SLC38A9: variants seen among roughly 807,000 people sequenced by gnomAD.
SLC38A9 encodes the protein neutral amino acid transporter 9.
Under a neutral mutation model 62.3 loss-of-function variants are expected in SLC38A9, and 48 were observed. The observed-to-expected ratio is 0.77, with a 90% CI of 0.61 to 0.98. The LOEUF is 0.98. Ranked by LOEUF, SLC38A9 falls within the 50% of genes least tolerant of loss-of-function variation. The probability of loss-of-function intolerance (pLI) is 0.00; values close to 1 mark genes in which losing one functional copy is unlikely to be tolerated. For synonymous variants in SLC38A9, 204 were observed against 227.7 expected (o/e 0.90, Z 0.94); for missense variants, 541 against 679.8 (o/e 0.80, Z 2.27).
intron 14 of SLC38A9, among the ~76,000 whole-genome samples, chr5:55,629,335 A>T (rs1309787405): frequency 2.0e-5 from 3 of 152,132 alleles, no homozygotes; most frequent in Non-Finnish European, 2.9e-5. Context: ...AATAGCTGGG[A>T]CTACAGGTGT....
At position 55,657,273 on chromosome 5, in the gene SLC38A9, C is replaced by G. The variant is rs4865613; in HGVS notation, c.698-499G>C. 7.9e-3 allele frequency among the ~76,000 whole-genome samples: 1,196 copies of G among 152,226 alleles called. 73 individuals are homozygous for G. The highest frequency in any genetic ancestry group is 0.074 in the Admixed American group (1,125 of 15,294). On this transcript the variant is annotated intron_variant, in intron 8 of 15. Transcript: ENST00000396865. Reference sequence around the variant, plus strand: ...TGATAATGTTAGTGTCTTCACAGTTCCACTGTGGAAAATCTTTACGTGTAA... The same window carrying G: ...TGATAATGTTAGTGTCTTCACAGTTGCACTGTGGAAAATCTTTACGTGTAA...
At chr5:55,650,797 AT>A (rs549105816) in intron 10 of SLC38A9, among the ~76,000 whole-genome samples, 181 of 152,054 alleles carry the variant, frequency 1.2e-3, no homozygotes, top group African/African-American at 4.1e-3. Context: ...TTATTTATTT[AT>A]TTATTTGTTG....
rs1751512362 is a variant in SLC38A9 at position 55,672,685 on chromosome 5, T to C, written c.124A>G (p.Ile42Val). Residue 42 changes from isoleucine (I) to valine (V), a missense_variant, in exon 4 of 16, where the codon ATA becomes GTA. Transcript: ENST00000396865. ...SDLRSKRPFC[I>V]EPTNIVNVNH... ...ACATTCACGATGTTTGTGGGCTCTA[T>C]ACAGAAAGGCCTACAAAGGGAATAT... 6.2e-7 allele frequency: 1 copy of C among 1,613,532 alleles called. No homozygotes were observed. Among genetic ancestry groups the C allele is most frequent in the Non-Finnish European group, 8.5e-7 (1 of 1,179,982 alleles).
chr5:55,697,300 T>C (rs1756017696), intron 3 of SLC38A9: 1 of 152,870 alleles, frequency 6.5e-6, no homozygotes, highest in Non-Finnish European at 1.5e-5. Context: ...TTTCTATGTA[T>C]TTTATTTTTT....
chr5:55,677,320 T>C (rs937227344), intron 3 of SLC38A9, among the ~76,000 whole-genome samples: 3 of 152,204 alleles, frequency 2.0e-5, no homozygotes, highest in Non-Finnish European at 1.5e-5. Context: ...TAAACAGTTA[T>C]GATTCTAACG....
chr5:55,651,859 C>T (rs1046936700), intron 10 of SLC38A9, among the ~76,000 whole-genome samples: 3 of 151,996 alleles, frequency 2.0e-5, no homozygotes, highest in Non-Finnish European at 2.9e-5. Context: ...TTGGATCTCT[C>T]CTCCTGAAAT....
At chr5:55,676,487 T>C (rs1752101094) in intron 3 of SLC38A9, among the ~76,000 whole-genome samples, 2 of 152,236 alleles carry the variant, frequency 1.3e-5, no homozygotes, top group South Asian at 2.1e-4. Context: ...TATAAATTTC[T>C]TAAATTGTAC....
intron 8 of SLC38A9, among the ~76,000 whole-genome samples, chr5:55,663,321 AAGG>A (rs1749935295): frequency 6.9e-6 from 1 of 144,994 alleles, no homozygotes; most frequent in Non-Finnish European, 1.5e-5. Context: ...AAAAAAAAAA[AAGG>A]AGATCTAATA....
chr5:55,686,716 G>T (rs1387001682), intron 3 of SLC38A9, among the ~76,000 whole-genome samples: 7 of 152,274 alleles, frequency 4.6e-5, no homozygotes, highest in Admixed American at 4.6e-4. Context: ...GAAAGGTACT[G>T]CCTAGGTTGT....
chr5:55,672,791 G>A, intron 3 of SLC38A9, 96 bp from the exon 4 acceptor site: 2 of 1,263,658 alleles, frequency 1.6e-6, no homozygotes, highest in Middle Eastern at 2.8e-4. Context: ...CATTAGTAAT[G>A]GGATGCACAA....
chr5:55,652,357 C>CAAAAAAAAAAAAAAAA (rs60557392), intron 10 of SLC38A9, among the ~76,000 whole-genome samples, 172 bp downstream of exon 10: 2 of 56,188 alleles, frequency 3.6e-5, no homozygotes, highest in Non-Finnish European at 6.4e-5. Context: ...AACTCCGTCT[C>CAAAAAAAAAAAAAAAA]AAAAAAAAAA....
In SLC38A9 at chr5:55,684,342, T is replaced by C. The variant is rs114166704; in HGVS notation, c.114-11647A>G. On this transcript the variant is annotated intron_variant, in intron 3 of 15. Transcript: ENST00000396865. ...TGACATTGTAAATAAAAAAACTGTA[T>C]AAATAACTTGAAACCTAAAGTATTT... Among the ~76,000 whole-genome samples the C allele has an allele frequency of 6.2e-3, 949 of 152,312 alleles. 9 individuals carry two copies. Among genetic ancestry groups the C allele is most frequent in the African/African-American group, 0.022 (920 of 41,572 alleles).
At chr5:55,661,076 A>C (rs1449755877) in intron 8 of SLC38A9, among the ~76,000 whole-genome samples, 1 of 96,276 alleles carries the variant, frequency 1.0e-5, no homozygotes, top group Non-Finnish European at 2.6e-5. Context: ...GATCTTTATC[A>C]AGAAAAACTT....
At chr5:55,629,718 C>G (rs1743085644) in intron 14 of SLC38A9, among the ~76,000 whole-genome samples, 1 of 152,032 alleles carries the variant, frequency 6.6e-6, no homozygotes, top group African/African-American at 2.4e-5. Context: ...AAGCTTGTCA[C>G]TTATATAATT....
At position 55,697,851 on chromosome 5, in the gene SLC38A9, G is replaced by T; in HGVS notation, c.108C>A (p.Ser36=). The T allele has an allele frequency of 6.4e-7, 1 of 1,551,298 alleles. No individual in the cohort carries two copies. Among genetic ancestry groups the T allele is most frequent in the Non-Finnish European group, 8.8e-7 (1 of 1,140,630 alleles). Residue 36 remains serine (S), a synonymous_variant, in exon 3 of 16, where the codon TCC becomes TCA. Coordinates refer to ENST00000396865, the MANE Select transcript of SLC38A9 (RefSeq NM_173514.4). The part of the protein sequence containing the change: ...NIQFEPSDLR[S]KRPFCIEPTN... ...GTTTTATTTTAAATGCTTACCTTTT[G>T]GATCTTAGATCCGATGGCTCAAACT...
At chr5:55,692,052 T>C (rs984827140) in intron 3 of SLC38A9, among the ~76,000 whole-genome samples, 1 of 152,198 alleles carries the variant, frequency 6.6e-6, no homozygotes, top group Non-Finnish European at 1.5e-5. Flanking sequence ...AATCTAAATA[T>C]ATACTTGACA....
At chr5:55,668,508 C>T (rs867918847) in intron 7 of SLC38A9, among the ~76,000 whole-genome samples, 5 of 152,270 alleles carry the variant, frequency 3.3e-5, no homozygotes, top group Middle Eastern at 3.4e-3. Context: ...GCTAGGGCTA[C>T]AGACACACAC....
At chr5:55,708,422 T>G (rs1757576039) in intron 2 of SLC38A9, among the ~76,000 whole-genome samples, 1 of 152,222 alleles carries the variant, frequency 6.6e-6, no homozygotes, top group Admixed American at 6.5e-5. Flanking sequence ...TGACATTATT[T>G]TAAAAAGGTA....
At chr5:55,700,412 C>A (rs1341662017) in intron 2 of SLC38A9, among the ~76,000 whole-genome samples, 3 of 148,638 alleles carry the variant, frequency 2.0e-5, no homozygotes, top group African/African-American at 7.4e-5. Context: ...AAAAGTCAGA[C>A]GAAGGTCTTG....
Sources: gnomAD v4.1 joint callset for allele counts (sites outside exome capture counted in the v4.1 genomes callset) on GRCh38, gnomAD v4.1.1 for gene constraint, MANE v1.5 for transcripts, NCBI Gene and HGNC (gene_info 2026-07-23, HGNC 2026-07-21) for gene names.